Variants in MAGI2 observed in about 807,000 individuals in gnomAD.
The protein encoded by MAGI2 is membrane associated guanylate kinase, WW and PDZ domain containing 2, also known as membrane-associated guanylate kinase, WW and PDZ domain-containing protein 2.
A neutral mutation model predicts 133.3 loss-of-function variants in MAGI2; 35 were observed. The ratio of observed to expected loss-of-function variants is 0.26; its 90% CI spans 0.20 to 0.35. MAGI2 has a LOEUF of 0.35. Ranked by LOEUF, MAGI2 falls within the 10% of genes least tolerant of loss-of-function variation. The pLI is 1.00. For synonymous variants in MAGI2, 729 were observed against 710.6 expected, an observed-to-expected ratio of 1.03 and a Z score of -0.41; for missense variants, 1,636 against 1,863.4, an observed-to-expected ratio of 0.88 and a Z score of 2.25.
intron 3 of MAGI2, among the ~76,000 whole-genome samples, chr7:78,582,153 A>T (rs1802902182): frequency 6.6e-6 from 1 of 152,166 alleles, no homozygotes; most frequent in Admixed American, 6.5e-5. Context: ...CAGGTAGCAA[A>T]AGCAGTTTTC....
intron 6 of MAGI2, among the ~76,000 whole-genome samples, chr7:78,488,691 C>G (rs1447986291): frequency 2.0e-5 from 3 of 151,912 alleles, no homozygotes; most frequent in South Asian, 2.1e-4. Context: ...TAAATATAGA[C>G]TAAAACTGGA....
At position 78,019,290 on chromosome 7, in the gene MAGI2, G is replaced by GGCGGGTTGGCCGTGGCCGC; in HGVS notation, c.*6_*24dup. ...AAGAAGAACTGCCTGCGCCGGGGCG[G>GGCGGGTTGGCCGTGGCCGC]GCGGGTTGGCCGTGGCCGCGCGGCT... On this transcript the variant is annotated 3_prime_UTR_variant, in exon 22 of 22. Coordinates refer to ENST00000354212, the MANE Select transcript of MAGI2 (RefSeq NM_012301.4). 6.3e-7 allele frequency: 1 copy of GGCGGGTTGGCCGTGGCCGC among 1,575,028 alleles called. No homozygotes were observed. The highest frequency in any genetic ancestry group is 8.5e-7 in the Non-Finnish European group (1 of 1,169,826).
In MAGI2 at chr7:78,612,795, G is replaced by A. The variant is rs576777793; in HGVS notation, c.538+14325C>T. 6.0e-3 allele frequency among the ~76,000 whole-genome samples: 911 copies of A among 151,694 alleles called. 5 individuals are homozygous for A. Among genetic ancestry groups the A allele is most frequent in the African/African-American group, 8.6e-3 (356 of 41,312 alleles). On this transcript the variant is annotated intron_variant, in intron 3 of 21. Coordinates refer to ENST00000354212, the MANE Select transcript of MAGI2 (RefSeq NM_012301.4). Reference sequence around the variant, plus strand: ...TGCCATTCTCCTGCCTCAGCCTCCCGAGAAGCTGGGACTACAGGCGCCCGC... The same window carrying A: ...TGCCATTCTCCTGCCTCAGCCTCCCAAGAAGCTGGGACTACAGGCGCCCGC...
At chr7:78,443,745 T>G (rs961143306) in intron 6 of MAGI2, among the ~76,000 whole-genome samples, 47 of 152,290 alleles carry the variant, frequency 3.1e-4, no homozygotes, top group African/African-American at 9.4e-4. Context: ...CTTTGACTAA[T>G]CTGTACATCA....
chr7:78,334,846 T>C (rs1253448493), intron 9 of MAGI2, among the ~76,000 whole-genome samples: 1 of 151,940 alleles, frequency 6.6e-6, no homozygotes, highest in Non-Finnish European at 1.5e-5. Flanking sequence ...AGAAAGACTG[T>C]TATAAGGACA....
intron 2 of MAGI2, among the ~76,000 whole-genome samples, chr7:78,897,988 A>G (rs1206888228): frequency 6.6e-6 from 1 of 152,232 alleles, no homozygotes. Context: ...ACTTAAATTT[A>G]TAAGAAAAAT....
At chr7:79,214,395 CTCTCTCTCTCTCTATA>C (rs1438142917) in intron 1 of MAGI2, among the ~76,000 whole-genome samples, 37 of 89,040 alleles carry the variant, frequency 4.2e-4, no homozygotes, top group East Asian at 1.0e-3. Context: ...CTCTCTCTCT[CTCTCTCTCTCTCTATA>C]TATATATATA....
At chr7:78,799,632 A>G (rs1041062889) in intron 2 of MAGI2, among the ~76,000 whole-genome samples, 32 of 152,156 alleles carry the variant, frequency 2.1e-4, no homozygotes, top group Admixed American at 2.0e-3. Flanking sequence ...ATTTGAGGAA[A>G]TAAGTTTGCT....
chr7:78,741,606 T>G (rs115185893), intron 2 of MAGI2, among the ~76,000 whole-genome samples: 34 of 152,238 alleles, frequency 2.2e-4, no homozygotes, highest in African/African-American at 7.7e-4. Flanking sequence ...TAATAAATAG[T>G]ACAGTACCTT....
At position 78,308,868 on chromosome 7, in the gene MAGI2, A is replaced by G. The variant is rs576377953; in HGVS notation, c.1408+34910T>C. ...ATCAGATAGACATAATACATAGTTT[A>G]TCTGGTAATTCACTCATTCACTCAA... On this transcript the variant is annotated intron_variant, in intron 9 of 21. Transcript: ENST00000354212. Among the ~76,000 whole-genome samples the G allele has an allele frequency of 2.0e-5, 3 of 152,360 alleles. No homozygotes were observed. The South Asian group carries it at 6.2e-4, about 32-fold the overall frequency.
At position 78,808,040 on chromosome 7, in the gene MAGI2, C is replaced by T. The variant is rs559902084; in HGVS notation, c.419-180801G>A. Among the ~76,000 whole-genome samples the T allele has an allele frequency of 2.8e-4, 43 of 152,136 alleles. 3 individuals are homozygous for T. In the Middle Eastern group the frequency reaches 0.01, roughly 36 times the overall value. The stretch of plus-strand genomic sequence containing the variant: ...GAATAAAAAAAGAGGCACATAGTTT[C>T]GGGTCTTGAGCTGTTAATGATCGAC... On this transcript the variant is annotated intron_variant, in intron 2 of 21. Transcript: ENST00000354212.
chr7:79,437,827 T>C (rs1300673109), intron 1 of MAGI2, among the ~76,000 whole-genome samples: 2 of 152,146 alleles, frequency 1.3e-5, no homozygotes, highest in Non-Finnish European at 1.5e-5. Flanking sequence ...AGTAAAAATG[T>C]TATCTTTAGT....
chr7:78,791,233 G>A (rs1827217408), intron 2 of MAGI2, among the ~76,000 whole-genome samples: 2 of 152,080 alleles, frequency 1.3e-5, no homozygotes, highest in South Asian at 2.1e-4. Context: ...AAAAGAGAGA[G>A]AGAAAAGTTT....
chr7:78,495,179 G>C (rs1793973667), intron 5 of MAGI2, among the ~76,000 whole-genome samples: 1 of 152,052 alleles, frequency 6.6e-6, no homozygotes, highest in Non-Finnish European at 1.5e-5. Flanking sequence ...TTGTTGCATA[G>C]GTATACACAT....
At chr7:78,373,064 C>A (rs948199697) in intron 6 of MAGI2, among the ~76,000 whole-genome samples, 5 of 152,142 alleles carry the variant, frequency 3.3e-5, no homozygotes, top group African/African-American at 9.7e-5. Context: ...CTCAAGGAAT[C>A]CTCTCCCCTC....
At chr7:78,571,080 G>C (rs17373046) in intron 3 of MAGI2, among the ~76,000 whole-genome samples, 15,267 of 152,100 alleles carry the variant, frequency 0.1, 981 homozygotes, top group Non-Finnish European at 0.14. Context: ...TTATCTCCTC[G>C]AAGTGAAATG....
intron 1 of MAGI2, 179 bp downstream of exon 1, chr7:79,452,841 T>C: frequency 1.6e-6 from 1 of 623,196 alleles, no homozygotes; most frequent in Non-Finnish European, 2.7e-6. Context: ...GCCCCTCCCC[T>C]CCCTTTAGCC....
At chr7:79,051,063 C>T (rs1259393717) in intron 1 of MAGI2, among the ~76,000 whole-genome samples, 1 of 152,216 alleles carries the variant, frequency 6.6e-6, no homozygotes, top group Non-Finnish European at 1.5e-5. Flanking sequence ...AAAACATCCC[C>T]TCTTGGCTAA....
At chr7:78,896,725 GC>G (rs1797244114) in intron 2 of MAGI2, among the ~76,000 whole-genome samples, 3 of 151,736 alleles carry the variant, frequency 2.0e-5, no homozygotes, top group Admixed American at 2.0e-4. Flanking sequence ...GTGCCACTAC[GC>G]CCGGCTACTG....
Sources: allele counts gnomAD v4.1 joint callset (sites outside exome capture counted in the v4.1 genomes callset), GRCh38; gene constraint gnomAD v4.1.1; transcripts MANE v1.5; gene names NCBI Gene and HGNC (gene_info 2026-07-23, HGNC 2026-07-21).